The following B4GALNT4 variants were observed in gnomAD, a reference collection of about 807,000 sequenced individuals.
B4GALNT4 encodes the protein beta-1,4-N-acetyl-galactosaminyltransferase 4, also known as N-acetyl-beta-glucosaminyl-glycoprotein 4-beta-N-acetylgalactosaminyltransferase 1.
In B4GALNT4, 77 loss-of-function variants were observed where a neutral mutation model predicts 110.0. The ratio of observed to expected loss-of-function variants is 0.70; its 90% CI spans 0.58 to 0.85. The LOEUF (loss-of-function observed/expected upper bound fraction) is 0.85. B4GALNT4 is among the 40% of genes least tolerant of loss of function. The pLI is 0.00. For synonymous variants in B4GALNT4, 785 were observed against 655.5 expected (o/e 1.20, Z -3.02); for missense variants, 1,575 against 1,506.0 (o/e 1.05, Z -0.76).
intron 8 of B4GALNT4, 48 bp from the exon 9 acceptor site, chr11:375,413 G>T: frequency 2.5e-6 from 4 of 1,600,744 alleles, no homozygotes; most frequent in Non-Finnish European, 3.4e-6. Flanking sequence ...TTCTTCCCTG[G>T]ACCCAGCCAC....
rs538659021 is a variant in B4GALNT4 at position 376,294 on chromosome 11, G to C, written c.1240G>C (p.Asp414His). The change falls in exon 13 of 20, where the codon GAT becomes CAT. Residue 414 changes from aspartate to histidine, a missense_variant. Transcript: ENST00000329962. ...KYMKMDKEEGDEDEEDEVQRR... is the reference protein window; with the variant it reads ...KYMKMDKEEGHEDEEDEVQRR... ...CATGAAGATGGACAAGGAGGAGGGGGATGAGGATGAAGAAGACGAGGTGCA... is the reference window on the plus strand; with the variant it reads ...CATGAAGATGGACAAGGAGGAGGGGCATGAGGATGAAGAAGACGAGGTGCA... 2 of 1,610,504 alleles carry C rather than the reference G, an allele frequency of 1.2e-6. No individual in the cohort carries two copies. Among genetic ancestry groups the C allele is most frequent in the Non-Finnish European group, 1.7e-6 (2 of 1,178,546 alleles).
At position 375,947 on chromosome 11, in the gene B4GALNT4, C is replaced by T. The variant is rs141300580; in HGVS notation, c.1086C>T (p.Gly362=). 2 of 1,611,678 alleles carry T rather than the reference C, an allele frequency of 1.2e-6. No homozygotes were observed. The highest frequency in any genetic ancestry group is 2.2e-5 in the East Asian group (1 of 44,832). The change falls in exon 11 of 20, where the codon GGC becomes GGT. Residue 362 remains glycine (G), a synonymous_variant. Coordinates refer to ENST00000329962, the MANE Select transcript of B4GALNT4 (RefSeq NM_178537.5). ...VKDFPIARYQ[G]LQFVYLSFVY... ...ACTTCCCGATCGCCAGATACCAGGG[C>T]CTGCAATTTGTGAGTGCGGCTGGAG... is the stretch of plus-strand genomic sequence containing the variant.
In B4GALNT4 at chr11:380,891, G is replaced by A; in HGVS notation, c.2936G>A (p.Gly979Glu). 6.2e-7 allele frequency: 1 copy of A among 1,613,816 alleles called. No individual in the cohort carries two copies. The highest frequency in any genetic ancestry group is 8.5e-7 in the Non-Finnish European group (1 of 1,179,876). ...IYKSDFDRVGGMNTEEFRDQW... is the reference protein window; with the variant it reads ...IYKSDFDRVGEMNTEEFRDQW... ...AAGTCGGACTTTGACCGGGTTGGAGGAATGAACACGGAGGAGTTCCGAGAC... is the reference window on the plus strand; with the variant it reads ...AAGTCGGACTTTGACCGGGTTGGAGAAATGAACACGGAGGAGTTCCGAGAC... Residue 979 changes from glycine to glutamate, a missense_variant, in exon 19 of 20, where the codon GGA becomes GAA. Transcript: ENST00000329962.
intron 8 of B4GALNT4, 71 bp downstream of exon 8, chr11:373,899 TG>T: frequency 6.7e-7 from 1 of 1,485,294 alleles, no homozygotes; most frequent in Non-Finnish European, 9.3e-7. Context: ...ACAACCGCAA[TG>T]GGGTCCCCGT....
In B4GALNT4 at chr11:369,694, G is replaced by A; in HGVS notation, c.-110G>A. On this transcript the variant is annotated 5_prime_UTR_variant, in exon 1 of 20. Coordinates refer to ENST00000329962, the MANE Select transcript of B4GALNT4 (RefSeq NM_178537.5). The stretch of plus-strand genomic sequence containing the variant: ...GGCGGACAAAGGACCATGCGGGGCC[G>A]CGGGCGCTGAGCGCGGCGGGGCGGG... 2 of 511,316 alleles carry A rather than the reference G, an allele frequency of 3.9e-6. No individual in the cohort carries two copies. Among genetic ancestry groups the A allele is most frequent in the Non-Finnish European group, 2.5e-6 (1 of 400,580 alleles). 31.7% of individuals were successfully genotyped at this position (511,316 alleles called of 1,614,324 possible).
chr11:370,014 G>GCGCGGGGGGCGCGGGCGGCGCGGGGGA (rs1846585669), intron 1 of B4GALNT4, 60 bp downstream of exon 1: 1 of 126,354 alleles, frequency 7.9e-6, no homozygotes, highest in Non-Finnish European at 1.5e-5. Flanking sequence ...GGCGCGGGGG[G>GCGCGGGGGGCGCGGGCGGCGCGGGGGA]CGCGGGCGGC....
rs1213579799 is a variant in B4GALNT4 at position 369,636 on chromosome 11, G to C, written c.-168G>C. On this transcript the variant is annotated 5_prime_UTR_variant, in exon 1 of 20. Transcript: ENST00000329962. ...CGGGCCCGCGGCCGAGGGCGGCCTG[G>C]GGGGGTCGCGGCCGCACCCGGTGGC... Among the ~76,000 whole-genome samples the C allele has an allele frequency of 6.9e-6, 1 of 144,430 alleles. No individual in the cohort carries two copies. The highest frequency in any genetic ancestry group is 1.5e-5 in the Non-Finnish European group (1 of 65,186). The allele number at this position is 144,430 out of a possible 152,430, so 94.8% of individuals were successfully genotyped here.
Position 376,554 on chromosome 11 carries a change from G to C in B4GALNT4, c.1431G>C (p.Pro477=), listed in dbSNP as rs1846758532. The C allele has an allele frequency of 1.7e-6, 2 of 1,155,546 alleles. No individual in the cohort carries two copies. The highest frequency in any genetic ancestry group is 3.5e-5 in the South Asian group (2 of 57,120). The allele number at this position is 1,155,546 out of a possible 1,614,324, so 71.6% of individuals were successfully genotyped here. A position where few individuals can be genotyped will look rare whatever the true frequency, so the allele number is the denominator to read the frequency against. Residue 477 remains proline (P), a synonymous_variant, in exon 14 of 20, where the codon CCG becomes CCC. Transcript: ENST00000329962. The part of the protein sequence containing the change: ...PAQPGATLAP[P]TPPRPRDGGT... Reference sequence around the variant, plus strand: ...AGCCCGGAGCCACCCTCGCCCCGCCGACCCCTCCCCGCCCCCGGGACGGGG... The same window carrying C: ...AGCCCGGAGCCACCCTCGCCCCGCCCACCCCTCCCCGCCCCCGGGACGGGG...
In B4GALNT4 at chr11:376,101, G is replaced by A; in HGVS notation, c.1123G>A (p.Asp375Asn). The A allele has an allele frequency of 6.3e-7, 1 of 1,579,104 alleles. No homozygotes were observed. The highest frequency in any genetic ancestry group is 8.6e-7 in the Non-Finnish European group (1 of 1,160,540). The stretch of plus-strand genomic sequence containing the variant: ...GTACCTGTCCTTCGTTTATCCCAAC[G>A]ACTACACTCGCCTCACCCACATGGA... ...FVYLSFVYPN[D>N]YTRLTHMETD... The change falls in exon 12 of 20, where the codon GAC (aspartate) becomes AAC (asparagine). Residue 375 changes from aspartate (D) to asparagine (N), a missense_variant. Transcript: ENST00000329962.
intron 2 of B4GALNT4, 125 bp from the exon 3 acceptor site, chr11:372,537 G>A: frequency 1.2e-6 from 1 of 868,492 alleles, no homozygotes; most frequent in Non-Finnish European, 1.9e-6. Flanking sequence ...CATGGCTGGG[G>A]CTCACGGGCA....
rs1261261829 is a variant in B4GALNT4, at chr11:373,308, C to A, written c.636+17C>A. 1 of 1,603,926 alleles carries A rather than the reference C, an allele frequency of 6.2e-7. No homozygotes were observed. The highest frequency in any genetic ancestry group is 8.5e-7 in the Non-Finnish European group (1 of 1,174,006). On this transcript the variant is annotated intron_variant, in intron 6 of 19. Coordinates refer to ENST00000329962, the MANE Select transcript of B4GALNT4 (RefSeq NM_178537.5). ...GTGGGCAAGGTACCCCCACCCCAGC[C>A]CTGGTGTCGTCCCGGGCCTCCTGCA...
chr11:375,822 C>G, intron 10 of B4GALNT4, 25 bp from the exon 11 acceptor site: 1 of 1,605,200 alleles, frequency 6.2e-7, no homozygotes, highest in Non-Finnish European at 8.5e-7. Flanking sequence ...CTGCCCCAGC[C>G]ACCCTGTGAC....
chr11:374,446 G>C (rs1035080726), intron 8 of B4GALNT4, among the ~76,000 whole-genome samples: 7 of 150,708 alleles, frequency 4.6e-5, no homozygotes, highest in Non-Finnish European at 1.0e-4. Flanking sequence ...CTGGTGTGTG[G>C]AGGGCACGTT....
chr11:381,581 C>G (rs1472955303), intron 19 of B4GALNT4, 88 bp from the exon 20 acceptor site: 1 of 851,924 alleles, frequency 1.2e-6, no homozygotes, highest in Non-Finnish European at 1.7e-6. Flanking sequence ...GGGTTCCTGA[C>G]CACCTCTCCG....
intron 19 of B4GALNT4, 123 bp downstream of exon 19, chr11:381,074 G>T: frequency 1.4e-6 from 2 of 1,478,110 alleles, no homozygotes; most frequent in Non-Finnish European, 1.8e-6. Flanking sequence ...GCCCTTCCCG[G>T]TCTTCCCAGT....
In B4GALNT4 at chr11:376,855, A is replaced by C; in HGVS notation, c.1732A>C (p.Arg578=). Residue 578 remains arginine, a synonymous_variant, in exon 14 of 20, where the codon AGG becomes CGG. Coordinates refer to ENST00000329962, the MANE Select transcript of B4GALNT4 (RefSeq NM_178537.5). ...ACGCCCACCCCGGCCCCACGGCCGC[A>C]GGACCGGCGGCCCCCAGGCCACACA... The part of the protein sequence containing the change: ...PPRPPRPHGR[R]TGGPQATQPR... 2 of 1,324,348 alleles carry C rather than the reference A, an allele frequency of 1.5e-6. No individual in the cohort carries two copies. Among genetic ancestry groups the C allele is most frequent in the Non-Finnish European group, 1.9e-6 (2 of 1,039,020 alleles). The allele number at this position is 1,324,348 out of a possible 1,614,324, so 82.0% of individuals were successfully genotyped here. A position where few individuals can be genotyped will look rare whatever the true frequency, so the allele number is the denominator to read the frequency against.
rs1590341255 is a variant in B4GALNT4, at chr11:377,378, C to G, written c.2204+51C>G. 6.9e-6 allele frequency: 10 copies of G among 1,441,434 alleles called. No homozygotes were observed. The East Asian group carries it at 2.8e-4, about 40-fold the overall frequency. 89.3% of individuals were successfully genotyped at this position (1,441,434 alleles called of 1,614,324 possible). A position where few individuals can be genotyped will look rare whatever the true frequency, so the allele number is the denominator to read the frequency against. ...AGGGCGGTTTTGGAGGCGGGGACAG[C>G]CGGGGAGAGGAGGTCCTGGCCTTGG... is the stretch of plus-strand genomic sequence containing the variant. On this transcript the variant is annotated intron_variant, in intron 14 of 19. Transcript: ENST00000329962.
chr11:372,566 CA>C, intron 2 of B4GALNT4, 95 bp from the exon 3 acceptor site: 1 of 1,065,208 alleles, frequency 9.4e-7, no homozygotes, highest in South Asian at 1.3e-5. Flanking sequence ...TGTGTGGATA[CA>C]TGTTGGAAGG....
chr11:373,610 C>A lies in B4GALNT4; in HGVS notation c.704+94C>A, dbSNP rs577592474. Reference sequence around the variant, plus strand: ...TATCCTGTGCACACTTGCGCACACTCTGCACGAGCACCCGCCCGGCCAAGC... The same window carrying A: ...TATCCTGTGCACACTTGCGCACACTATGCACGAGCACCCGCCCGGCCAAGC... On this transcript the variant is annotated intron_variant, in intron 7 of 19. Transcript: ENST00000329962. 2.0e-6 allele frequency: 3 copies of A among 1,529,146 alleles called. No individual in the cohort carries two copies. The Admixed American group carries it at 5.0e-5, about 26-fold the overall frequency. 94.7% of individuals were successfully genotyped at this position (1,529,146 alleles called of 1,614,324 possible). A position where few individuals can be genotyped will look rare whatever the true frequency, so the allele number is the denominator to read the frequency against.
Sources: gnomAD v4.1 joint callset for allele counts (sites outside exome capture counted in the v4.1 genomes callset) on GRCh38, gnomAD v4.1.1 for gene constraint, MANE v1.5 for transcripts, NCBI Gene and HGNC (gene_info 2026-07-23, HGNC 2026-07-21) for gene names.